Variants in KMT2E observed in about 807,000 individuals in gnomAD.
KMT2E encodes the protein histone reader KMT2E.
A neutral mutation model predicts 184.6 loss-of-function variants in KMT2E; 30 were observed. That is an observed-to-expected ratio of 0.16 (90% CI 0.12 to 0.22). KMT2E has a LOEUF of 0.22. KMT2E is among the 10% of genes least tolerant of loss of function. KMT2E has a pLI of 1.00. For synonymous variants in KMT2E, 815 were observed against 776.5 expected (o/e 1.05, Z -0.82); for missense variants, 2,023 against 2,237.4 (o/e 0.90, Z 1.93).
At chr7:105,014,622 T>A (rs1368086386) in intron 1 of KMT2E, 87 bp downstream of exon 1, 2 of 152,142 alleles carry the variant, frequency 1.3e-5, no homozygotes, top group Non-Finnish European at 2.9e-5. Flanking sequence ...TCTCTCATCT[T>A]TATCCTTAAG....
At chr7:105,018,842 G>A (rs920679246) in intron 1 of KMT2E, among the ~76,000 whole-genome samples, 9 of 152,068 alleles carry the variant, frequency 5.9e-5, no homozygotes, top group African/African-American at 1.9e-4. Flanking sequence ...ACTTAACATG[G>A]AGGAACAGTA....
chr7:105,055,475 C>G (rs923823679), intron 3 of KMT2E, among the ~76,000 whole-genome samples: 1 of 152,018 alleles, frequency 6.6e-6, no homozygotes, highest in Non-Finnish European at 1.5e-5. Context: ...TTTAACTGTT[C>G]TGAATTTTAG....
intron 3 of KMT2E, among the ~76,000 whole-genome samples, chr7:105,057,371 G>A (rs1361164902): frequency 6.6e-6 from 1 of 152,126 alleles, no homozygotes; most frequent in African/African-American, 2.4e-5. Flanking sequence ...AGTAATCCCA[G>A]TTGGCCGTTA....
At chr7:105,042,746 C>G (rs567616673) in intron 3 of KMT2E, among the ~76,000 whole-genome samples, 1 of 152,156 alleles carries the variant, frequency 6.6e-6, no homozygotes, top group East Asian at 1.9e-4. Context: ...AAATTTCTTA[C>G]GTATTTTCAT....
At chr7:105,100,940 C>G (rs971757298) in intron 15 of KMT2E, among the ~76,000 whole-genome samples, 2 of 152,114 alleles carry the variant, frequency 1.3e-5, no homozygotes. Context: ...GAGATACTTA[C>G]CAAATGAGAA....
intron 13 of KMT2E, chr7:105,089,085 T>C (rs1395494081): frequency 3.7e-6 from 1 of 269,930 alleles, no homozygotes; most frequent in Non-Finnish European, 7.4e-6. Context: ...TAAACCACAG[T>C]ATCATTTTGC....
intron 3 of KMT2E, among the ~76,000 whole-genome samples, chr7:105,050,388 A>G (rs1232336500): frequency 6.6e-6 from 1 of 152,142 alleles, no homozygotes; most frequent in Non-Finnish European, 1.5e-5. Context: ...TAAATGTCTA[A>G]GACTCAACTG....
intron 16 of KMT2E, 84 bp downstream of exon 16, chr7:105,101,673 T>C: frequency 8.5e-7 from 1 of 1,175,196 alleles, no homozygotes; most frequent in Middle Eastern, 2.9e-4. Flanking sequence ...ATAAGGAATT[T>C]AAAATAATGT....
At chr7:105,051,593 T>A (rs1415101605) in intron 3 of KMT2E, among the ~76,000 whole-genome samples, 2 of 152,094 alleles carry the variant, frequency 1.3e-5, no homozygotes, top group Non-Finnish European at 1.5e-5. Flanking sequence ...TATTGGTCTG[T>A]ACTGGGTCCT....
chr7:105,110,459 G>A lies in KMT2E; in HGVS notation c.3845-18G>A. 4 of 1,614,076 alleles carry A rather than the reference G, an allele frequency of 2.5e-6. No individual in the cohort carries two copies. Among genetic ancestry groups the A allele is most frequent in the African/African-American group, 1.3e-5 (1 of 75,026 alleles). ...CAGCTCTAATGTTCTCTTTGGGTCT[G>A]CTCTGCTTCATCTCTAGGGGGAGAA... On this transcript the variant is annotated intron_variant, in intron 24 of 26. Transcript: ENST00000311117.
chr7:105,033,121 A>G (rs894213201), intron 1 of KMT2E, among the ~76,000 whole-genome samples: 2 of 152,178 alleles, frequency 1.3e-5, no homozygotes, highest in African/African-American at 4.8e-5. Context: ...CTCCCATTAT[A>G]TTTGGCTTTC....
intron 22 of KMT2E, chr7:105,108,739 T>C (rs1584807281): frequency 5.4e-6 from 3 of 551,588 alleles, no homozygotes; most frequent in Non-Finnish European, 9.7e-6. Flanking sequence ...TGAGGATAAA[T>C]GAGATAATGT....
Position 105,057,633 on chromosome 7 carries a change from G to A in KMT2E, c.72-4531G>A, listed in dbSNP as rs574720275. Among the ~76,000 whole-genome samples, 14 of 151,994 alleles carry A rather than the reference G, an allele frequency of 9.2e-5. No individual in the cohort carries two copies. The East Asian group carries it at 1.7e-3, about 19-fold the overall frequency. On this transcript the variant is annotated intron_variant, in intron 3 of 26. Transcript: ENST00000311117. ...TGCCCAGCTAATTTTTTCATTTTTTGATAGAGGTGGGATCTTGCTGTGTTG... is the reference window on the plus strand; with the variant it reads ...TGCCCAGCTAATTTTTTCATTTTTTAATAGAGGTGGGATCTTGCTGTGTTG...
Position 105,113,939 on chromosome 7 carries a change from C to CAAG in KMT2E, c.*607_*609dup, listed in dbSNP as rs1799465715. ...TTGATATATAGCATTGTACATATGA[C>CAAG]AAGTCTTTTGCAAAACTGTGTGATC... On this transcript the variant is annotated 3_prime_UTR_variant, in exon 27 of 27. Transcript: ENST00000311117. The CAAG allele has an allele frequency of 6.5e-6, 1 of 153,508 alleles. No homozygotes were observed. Among genetic ancestry groups the CAAG allele is most frequent in the Non-Finnish European group, 1.5e-5 (1 of 68,228 alleles). The allele number at this position is 153,508 out of a possible 1,614,324, so 9.5% of individuals were successfully genotyped here. A position where few individuals can be genotyped will look rare whatever the true frequency, so the allele number is the denominator to read the frequency against.
intron 12 of KMT2E, among the ~76,000 whole-genome samples, chr7:105,079,606 C>T (rs1025312418): frequency 7.2e-6 from 1 of 139,102 alleles, no homozygotes; most frequent in African/African-American, 2.6e-5. Context: ...ACTACAGCCT[C>T]CGTGACCTCT....
chr7:105,070,779 C>T (rs1335078487), intron 6 of KMT2E, among the ~76,000 whole-genome samples: 1 of 151,670 alleles, frequency 6.6e-6, no homozygotes, highest in Non-Finnish European at 1.5e-5. Context: ...TGCCACTGCA[C>T]TCCAGCCTGG....
At chr7:105,030,753 A>G (rs527808413) in intron 1 of KMT2E, among the ~76,000 whole-genome samples, 5 of 152,312 alleles carry the variant, frequency 3.3e-5, no homozygotes, top group African/African-American at 9.6e-5. Context: ...ATCCCCAGGT[A>G]TATGAAAAGT....
At chr7:105,075,188 C>T (rs1387960015) in intron 8 of KMT2E, among the ~76,000 whole-genome samples, 4 of 140,624 alleles carry the variant, frequency 2.8e-5, no homozygotes, top group Non-Finnish European at 4.7e-5. Flanking sequence ...TCTTTGCCTC[C>T]TTTTTTTTTT....
intron 22 of KMT2E, 31 bp from the exon 23 acceptor site, chr7:105,108,911 G>T: frequency 6.4e-7 from 1 of 1,550,812 alleles, no homozygotes; most frequent in Non-Finnish European, 8.8e-7. Context: ...AAGAATAAAA[G>T]ATTTGCTTTT....
Sources: gnomAD v4.1 joint callset for allele counts (sites outside exome capture counted in the v4.1 genomes callset) on GRCh38, gnomAD v4.1.1 for gene constraint, MANE v1.5 for transcripts, NCBI Gene and HGNC (gene_info 2026-07-23, HGNC 2026-07-21) for gene names.